Variants in ZSWIM5 observed in about 807,000 individuals in gnomAD.
The protein encoded by ZSWIM5 is zinc finger SWIM domain-containing protein 5.
Under a neutral mutation model 119.6 loss-of-function variants are expected in ZSWIM5, and 55 were observed. The ratio of observed to expected loss-of-function variants is 0.46; its 90% CI spans 0.37 to 0.58. ZSWIM5 has a LOEUF of 0.58. ZSWIM5 is among the 20% of genes least tolerant of loss of function. The pLI, the probability that ZSWIM5 is intolerant of heterozygous loss-of-function variation, is 0.00. For missense variants in ZSWIM5, 1,193 were observed against 1,512.8 expected (o/e 0.79, Z 3.51); for synonymous variants, 537 against 606.9 (o/e 0.88, Z 1.69).
chr1:45,045,567 T>A (rs2148995355), intron 5 of ZSWIM5, among the ~76,000 whole-genome samples: 1 of 152,244 alleles, frequency 6.6e-6, no homozygotes, highest in African/African-American at 2.4e-5. Context: ...TGAAATTGCT[T>A]CTCCTTCATG....
At chr1:45,098,035 G>C (rs1334160449) in intron 1 of ZSWIM5, among the ~76,000 whole-genome samples, 3 of 152,182 alleles carry the variant, frequency 2.0e-5, no homozygotes, top group Non-Finnish European at 2.9e-5. Flanking sequence ...AATTAATTAG[G>C]TGAAAGGATG....
chr1:45,048,138 C>T (rs1329048429), intron 5 of ZSWIM5, among the ~76,000 whole-genome samples: 1 of 135,206 alleles, frequency 7.4e-6, no homozygotes, highest in African/African-American at 2.8e-5. Context: ...GGCTGGAGTG[C>T]AGTGGCATGA....
chr1:45,147,077 AC>A (rs2149036433), intron 1 of ZSWIM5, among the ~76,000 whole-genome samples: 1 of 150,958 alleles, frequency 6.6e-6, no homozygotes, highest in African/African-American at 2.4e-5. Context: ...AGCATTATCA[AC>A]TTTTTTTTTT....
chr1:45,114,374 T>C (rs1027913476), intron 1 of ZSWIM5, among the ~76,000 whole-genome samples: 1 of 152,158 alleles, frequency 6.6e-6, no homozygotes, highest in African/African-American at 2.4e-5. Flanking sequence ...ACAAGGAATG[T>C]ATACCAGAGA....
Position 45,206,139 on chromosome 1 carries a change from T to C in ZSWIM5, c.212A>G (p.Lys71Arg), listed in dbSNP as rs1646188921. ...GTATGCCCACTTTTCCGCCACCGTC[T>C]TGGCGGCGCAGTCCAGTAAGGAATC... Reference protein sequence around the residue: ...QPDSLLDCAAKTVAEKWAYER... With the variant: ...QPDSLLDCAARTVAEKWAYER... The change falls in exon 1 of 14, where the codon AAG becomes AGG. Residue 71 changes from lysine (K) to arginine (R), a missense_variant. Around this residue, in one of 2 missense-constraint regions of ZSWIM5, gnomAD observed 232 missense variants for 222.9 expected, o/e 1.04. Coordinates refer to ENST00000359600, the MANE Select transcript of ZSWIM5 (RefSeq NM_020883.2). The C allele has an allele frequency of 6.2e-7, 1 of 1,610,924 alleles. No individual in the cohort carries two copies. The highest frequency in any genetic ancestry group is 8.5e-7 in the Non-Finnish European group (1 of 1,179,198).
rs112350029 is a variant in ZSWIM5 at position 45,193,938 on chromosome 1, G to GTATATATATATATATATATATA, written c.595+11817_595+11818insTATATATATATATATATATATA. Among the ~76,000 whole-genome samples the GTATATATATATATATATATATA allele has an allele frequency of 5.5e-4, 81 of 146,246 alleles. 1 individual carries two copies. Among genetic ancestry groups the GTATATATATATATATATATATA allele is most frequent in the African/African-American group, 1.9e-3 (74 of 39,576 alleles). ...TATGTGTACATATGTGTGCATATGT[G>GTATATATATATATATATATATA]TATATATATATATATATACATACAT... On this transcript the variant is annotated intron_variant, in intron 1 of 13. Transcript: ENST00000359600.
At chr1:45,051,921 C>T (rs1165223716) in intron 4 of ZSWIM5, among the ~76,000 whole-genome samples, 1 of 151,940 alleles carries the variant, frequency 6.6e-6, no homozygotes, top group Non-Finnish European at 1.5e-5. Flanking sequence ...ATTTGCTTAT[C>T]CAAGAAAAAT....
Position 45,040,543 on chromosome 1 carries a change from C to T in ZSWIM5, c.1610-5G>A, listed in dbSNP as rs1645012923. ...CACAGGCTGTAGGCACATGCTCTAC[C>T]AAGTAAGAAGAAGATATTTTGGTCT... On this transcript the variant is annotated splice_polypyrimidine_tract_variant and splice_region_variant and intron_variant, in intron 6 of 13. Transcript: ENST00000359600. 1.9e-6 allele frequency: 3 copies of T among 1,573,780 alleles called. No individual in the cohort carries two copies. The African/African-American group carries it at 4.1e-5, about 22-fold the overall frequency.
At chr1:45,093,638 T>C (rs1645380734) in intron 1 of ZSWIM5, among the ~76,000 whole-genome samples, 1 of 152,198 alleles carries the variant, frequency 6.6e-6, no homozygotes, top group African/African-American at 2.4e-5. Context: ...CTTTTTCCCC[T>C]CATATATCTT....
At chr1:45,074,388 C>G (rs183573450) in intron 2 of ZSWIM5, among the ~76,000 whole-genome samples, 1 of 151,660 alleles carries the variant, frequency 6.6e-6, no homozygotes, top group African/African-American at 2.4e-5. Flanking sequence ...TTTATTATGG[C>G]TTTGAATTTG....
At chr1:45,045,864 G>T (rs1645050564) in intron 5 of ZSWIM5, among the ~76,000 whole-genome samples, 1 of 152,178 alleles carries the variant, frequency 6.6e-6, no homozygotes, top group Middle Eastern at 3.4e-3. Context: ...AGTTAAGAGT[G>T]CTATGAAAAA....
rs1645385457 is a variant in ZSWIM5, at chr1:45,094,206, C to G, written c.596-5969G>C. Reference sequence around the variant, plus strand: ...AAGTAGCTGGGATTACAGGCACGCGCCACCACGCCCAGCTAATTTTTGTAT... The same window carrying G: ...AAGTAGCTGGGATTACAGGCACGCGGCACCACGCCCAGCTAATTTTTGTAT... On this transcript the variant is annotated intron_variant, in intron 1 of 13. Coordinates refer to ENST00000359600, the MANE Select transcript of ZSWIM5 (RefSeq NM_020883.2). 1.3e-5 allele frequency among the ~76,000 whole-genome samples: 2 copies of G among 151,876 alleles called. 1 individual carries two copies. Among genetic ancestry groups the G allele is most frequent in the South Asian group, 4.2e-4 (2 of 4,808 alleles).
At chr1:45,108,089 T>C (rs771907170) in intron 1 of ZSWIM5, among the ~76,000 whole-genome samples, 2 of 152,134 alleles carry the variant, frequency 1.3e-5, no homozygotes, top group Non-Finnish European at 2.9e-5. Context: ...TGTGAGCCAC[T>C]GTGCTGAGTC....
intron 2 of ZSWIM5, among the ~76,000 whole-genome samples, chr1:45,066,006 TC>T (rs565255510): frequency 0.019 from 1,796 of 95,952 alleles, 62 homozygotes; most frequent in African/African-American, 0.069. Flanking sequence ...ATGCTATCCC[TC>T]CCCCCTCCCC....
chr1:45,182,867 G>A (rs1040458639), intron 1 of ZSWIM5, among the ~76,000 whole-genome samples: 2 of 151,976 alleles, frequency 1.3e-5, no homozygotes, highest in African/African-American at 4.8e-5. Context: ...AGGATACCCA[G>A]GAATTGAACT....
intron 3 of ZSWIM5, 108 bp from the exon 4 acceptor site, chr1:45,058,867 T>C (rs12738018): frequency 7.8e-7 from 1 of 1,280,714 alleles, no homozygotes; most frequent in Non-Finnish European, 1.1e-6. Flanking sequence ...GAGTACACCA[T>C]ATCCAAAAGA....
chr1:45,096,544 A>G (rs942267494), intron 1 of ZSWIM5, among the ~76,000 whole-genome samples: 9 of 145,222 alleles, frequency 6.2e-5, no homozygotes, highest in Non-Finnish European at 8.9e-5. Context: ...CAACACACAC[A>G]CACACACACG....
chr1:45,153,989 G>A (rs944141607), intron 1 of ZSWIM5, among the ~76,000 whole-genome samples: 8 of 151,986 alleles, frequency 5.3e-5, no homozygotes, highest in Non-Finnish European at 7.4e-5. Flanking sequence ...GAACTCAGCC[G>A]CTTTTACAAT....
intron 1 of ZSWIM5, among the ~76,000 whole-genome samples, chr1:45,181,507 T>G (rs960312940): frequency 6.7e-6 from 1 of 149,020 alleles, no homozygotes; most frequent in Non-Finnish European, 1.5e-5. Flanking sequence ...TGGAAAACAC[T>G]GTGCAGGATA....
Sources: allele counts gnomAD v4.1 joint callset (sites outside exome capture counted in the v4.1 genomes callset), GRCh38; gene constraint gnomAD v4.1.1; regional missense constraint gnomAD v4.1.1; transcripts MANE v1.5; gene names NCBI Gene and HGNC (gene_info 2026-07-23, HGNC 2026-07-21).